The following PRKG1 variants were observed in gnomAD, a reference collection of about 807,000 sequenced individuals.
PRKG1 encodes protein kinase cGMP-dependent 1.
PRKG1 carries 35 observed loss-of-function variants against 88.1 expected under a neutral mutation model. The observed-to-expected ratio is 0.40, with a 90% CI of 0.30 to 0.53. The LOEUF (loss-of-function observed/expected upper bound fraction) is 0.53. Among genes scored for constraint, PRKG1 ranks in the 20% least tolerant of loss-of-function variants. The probability of loss-of-function intolerance (pLI) is 0.59; values close to 1 mark genes in which losing one functional copy is unlikely to be tolerated. For missense variants in PRKG1, 540 were observed against 839.8 expected (o/e 0.64, Z 4.41); for synonymous variants, 303 against 292.5 (o/e 1.04, Z -0.37).
At chr10:52,000,406 T>C (rs1380873009) in intron 5 of PRKG1, among the ~76,000 whole-genome samples, 4 of 152,092 alleles carry the variant, frequency 2.6e-5, no homozygotes, top group African/African-American at 9.7e-5. Flanking sequence ...GGTGATAATC[T>C]TATTTATTGT....
intron 3 of PRKG1, among the ~76,000 whole-genome samples, chr10:51,755,678 A>G (rs1224594162): frequency 6.6e-6 from 1 of 152,234 alleles, no homozygotes; most frequent in Non-Finnish European, 1.5e-5. Flanking sequence ...TTACTATTCA[A>G]TTATTTATTT....
chr10:51,133,149 A>G (rs1287119759), intron 1 of PRKG1, among the ~76,000 whole-genome samples: 1 of 152,146 alleles, frequency 6.6e-6, no homozygotes, highest in East Asian at 1.9e-4. Flanking sequence ...TGGGGGCCAA[A>G]GTGCAAATGT....
intron 2 of PRKG1, among the ~76,000 whole-genome samples, chr10:51,256,712 T>A (rs1839568962): frequency 6.6e-6 from 1 of 151,868 alleles, no homozygotes; most frequent in Non-Finnish European, 1.5e-5. Context: ...AAAGTTAGAT[T>A]TACTCTAGGA....
At chr10:51,609,696 G>T (rs569824995) in intron 3 of PRKG1, among the ~76,000 whole-genome samples, 67 of 152,286 alleles carry the variant, frequency 4.4e-4, no homozygotes, top group Non-Finnish European at 4.6e-4. Context: ...CAGGGACATG[G>T]TTGAAGATGG....
At chr10:52,166,839 G>GTATATATATATATGTATATATATGTA in intron 9 of PRKG1, among the ~76,000 whole-genome samples, 1 of 90,494 alleles carries the variant, frequency 1.1e-5, no homozygotes, top group South Asian at 4.2e-4. Flanking sequence ...GTATATATAT[G>GTATATATATATATGTATATATATGTA]TATATATATG....
intron 1 of PRKG1, among the ~76,000 whole-genome samples, chr10:51,104,234 C>T (rs1232501565): frequency 6.6e-6 from 1 of 152,090 alleles, no homozygotes; most frequent in Non-Finnish European, 1.5e-5. Context: ...AAAAAATCAT[C>T]CCCCACAATT....
At chr10:51,405,270 C>T (rs576289780) in intron 2 of PRKG1, among the ~76,000 whole-genome samples, 1 of 152,256 alleles carries the variant, frequency 6.6e-6, no homozygotes, top group South Asian at 2.1e-4. Context: ...GTCAAGCCAT[C>T]CTAAACTGGG....
intron 2 of PRKG1, among the ~76,000 whole-genome samples, chr10:51,294,423 T>C (rs544112767): frequency 2.0e-5 from 3 of 152,284 alleles, no homozygotes; most frequent in African/African-American, 4.8e-5. Context: ...AATTTCATTC[T>C]TCTGTGGTTG....
At chr10:52,153,462 T>C (rs184124574) in intron 8 of PRKG1, among the ~76,000 whole-genome samples, 14 of 152,352 alleles carry the variant, frequency 9.2e-5, no homozygotes, top group African/African-American at 2.9e-4. Context: ...TTCTCCATTC[T>C]GACTGCAATT....
intron 2 of PRKG1, among the ~76,000 whole-genome samples, chr10:51,447,916 C>T (rs1288476303): frequency 6.6e-6 from 1 of 152,032 alleles, no homozygotes; most frequent in East Asian, 1.9e-4. Context: ...TTACAAATGG[C>T]TTCTCATTAA....
intron 3 of PRKG1, among the ~76,000 whole-genome samples, chr10:51,609,194 A>C (rs1194441208): frequency 6.6e-6 from 1 of 152,086 alleles, no homozygotes; most frequent in Non-Finnish European, 1.5e-5. Flanking sequence ...TTTTTAAAAA[A>C]AATTTAGTGT....
chr10:52,071,626 G>A (rs7898719), intron 7 of PRKG1, among the ~76,000 whole-genome samples: 6,986 of 141,386 alleles, frequency 0.049, 558 homozygotes, highest in African/African-American at 0.17. Flanking sequence ...CTTTCCTTCC[G>A]TGTGTGGTTT....
rs530290734 is a variant in PRKG1, at chr10:51,686,740, TTTTG to T, written c.593-117825_593-117822del. 8.1e-4 allele frequency among the ~76,000 whole-genome samples: 123 copies of T among 152,238 alleles called. 1 individual carries two copies. The highest frequency in any genetic ancestry group is 2.3e-3 in the African/African-American group (96 of 41,532). Reference sequence around the variant, plus strand: ...GTTCCCAATTTTTCTTTACAACCTTTTTTGTTTGTTTGTTTGTTTGTTTTTTCTT... The same window carrying T: ...GTTCCCAATTTTTCTTTACAACCTTTTTTGTTTGTTTGTTTGTTTTTTCTT... On this transcript the variant is annotated intron_variant, in intron 3 of 17. Coordinates refer to ENST00000373980, the MANE Select transcript of PRKG1 (RefSeq NM_006258.4).
intron 12 of PRKG1, among the ~76,000 whole-genome samples, chr10:52,279,452 AT>A (rs759610992): frequency 4.7e-4 from 72 of 152,248 alleles, no homozygotes; most frequent in Non-Finnish European, 1.9e-4. Flanking sequence ...GAAGAATGAT[AT>A]TTTTCTTAGG....
At chr10:52,127,867 G>T (rs1366512439) in intron 7 of PRKG1, among the ~76,000 whole-genome samples, 1 of 152,176 alleles carries the variant, frequency 6.6e-6, no homozygotes, top group Admixed American at 6.5e-5. Context: ...TTAGTGGAAA[G>T]TGGAATTAGT....
intron 5 of PRKG1, among the ~76,000 whole-genome samples, chr10:51,979,176 T>C (rs889219447): frequency 6.6e-6 from 1 of 152,070 alleles, no homozygotes; most frequent in Non-Finnish European, 1.5e-5. Flanking sequence ...TGAAGAGATA[T>C]TTAATTTTAT....
intron 3 of PRKG1, among the ~76,000 whole-genome samples, chr10:51,522,031 A>G (rs993649664): frequency 6.6e-6 from 1 of 152,182 alleles, no homozygotes. Flanking sequence ...AGGAATTTTC[A>G]ATCCCTTTTT....
intron 5 of PRKG1, among the ~76,000 whole-genome samples, chr10:51,948,004 C>A (rs1190479675): frequency 6.6e-6 from 1 of 152,070 alleles, no homozygotes; most frequent in African/African-American, 2.4e-5. Context: ...TACATTTGTG[C>A]TAAAGTTTAT....
At chr10:51,926,727 C>T (rs1842585832) in intron 5 of PRKG1, among the ~76,000 whole-genome samples, 1 of 149,422 alleles carries the variant, frequency 6.7e-6, no homozygotes, top group South Asian at 2.1e-4. Context: ...CTTATTTTCT[C>T]TGAAAATTTC....
Sources: allele counts gnomAD v4.1 joint callset (sites outside exome capture counted in the v4.1 genomes callset), GRCh38; gene constraint gnomAD v4.1.1; transcripts MANE v1.5; gene names NCBI Gene and HGNC (gene_info 2026-07-23, HGNC 2026-07-21).